Variants in LNPEP observed in about 807,000 individuals in gnomAD.
LNPEP encodes the protein leucyl and cystinyl aminopeptidase, also known as leucyl-cystinyl aminopeptidase.
Under a neutral mutation model 120.6 loss-of-function variants are expected in LNPEP, and 64 were observed. That is an observed-to-expected ratio of 0.53 (90% CI 0.43 to 0.65). The LOEUF (loss-of-function observed/expected upper bound fraction) is 0.65. LNPEP is among the 30% of genes least tolerant of loss of function. LNPEP has a pLI of 0.00. For missense variants in LNPEP, 1,057 were observed against 1,200.0 expected, an observed-to-expected ratio of 0.88 and a Z score of 1.76; for synonymous variants, 435 against 425.4, an observed-to-expected ratio of 1.02 and a Z score of -0.28.
rs1255797545 is a variant in LNPEP at position 96,986,518 on chromosome 5, TCTTTTCCC to T, written c.1000-16_1000-9del. On this transcript the variant is annotated splice_polypyrimidine_tract_variant and intron_variant, in intron 3 of 17. Transcript: ENST00000231368. ...ATTTATTCCTATAGTTACAGAACTG[TCTTTTCCC>T]CTTTGCTTGTAGAAGTCATCAGTCG... 6.2e-7 allele frequency: 1 copy of T among 1,609,570 alleles called. No homozygotes were observed. Among genetic ancestry groups the T allele is most frequent in the Non-Finnish European group, 8.5e-7 (1 of 1,177,338 alleles).
At chr5:96,954,697 T>C (rs953819436) in intron 1 of LNPEP, among the ~76,000 whole-genome samples, 1 of 72,206 alleles carries the variant, frequency 1.4e-5, no homozygotes, top group East Asian at 3.5e-4. Flanking sequence ...TATATACACA[T>C]ATATACATAT....
chr5:96,996,584 A>C, intron 7 of LNPEP, 81 bp downstream of exon 7: 1 of 747,700 alleles, frequency 1.3e-6, no homozygotes, highest in Non-Finnish European at 2.3e-6. Context: ...TTTTCTGTGC[A>C]TCTGGAGTAA....
chr5:96,954,064 A>G (rs1393669114), intron 1 of LNPEP, among the ~76,000 whole-genome samples: 1 of 152,236 alleles, frequency 6.6e-6, no homozygotes, highest in African/African-American at 2.4e-5. Flanking sequence ...AGTGATCTCA[A>G]GGTTCTCTGT....
chr5:96,996,545 G>A (rs748376192), intron 7 of LNPEP, 42 bp downstream of exon 7: 3 of 965,504 alleles, frequency 3.1e-6, no homozygotes, highest in South Asian at 1.3e-5. Flanking sequence ...ATGCTAGGAG[G>A]AAAAATAGTC....
intron 1 of LNPEP, among the ~76,000 whole-genome samples, chr5:96,938,789 A>G (rs532664214): frequency 6.6e-6 from 1 of 152,278 alleles, no homozygotes; most frequent in Admixed American, 6.5e-5. Flanking sequence ...CTCAGGATCT[A>G]TTTTTGGCTT....
At chr5:97,010,262 G>A (rs186077358) in intron 11 of LNPEP, 53 of 963,372 alleles carry the variant, frequency 5.5e-5, no homozygotes, top group African/African-American at 4.9e-4. Flanking sequence ...GGAGATTTTC[G>A]TATTAAATCT....
intron 1 of LNPEP, among the ~76,000 whole-genome samples, chr5:96,939,709 C>T (rs2548516): frequency 0.4 from 61,277 of 151,584 alleles, 12,433 homozygotes; most frequent in Non-Finnish European, 0.43. Flanking sequence ...ATTATTTTTG[C>T]TTTCATGTTC....
chr5:97,001,762 T>A lies in LNPEP; in HGVS notation c.1654-1653T>A, dbSNP rs546935265. On this transcript the variant is annotated intron_variant, in intron 8 of 17. Transcript: ENST00000231368. Reference sequence around the variant, plus strand: ...TCAAGGAGGAGCAGGTGATCAGTTATATCAAATGCTATCAATAGGTTGATA... The same window carrying A: ...TCAAGGAGGAGCAGGTGATCAGTTAAATCAAATGCTATCAATAGGTTGATA... Among the ~76,000 whole-genome samples the A allele has an allele frequency of 3.8e-4, 58 of 152,268 alleles. No homozygotes were observed. The South Asian group carries it at 0.012, about 30-fold the overall frequency.
intron 1 of LNPEP, among the ~76,000 whole-genome samples, chr5:96,954,657 C>CACATATAT (rs1452487759): frequency 3.3e-5 from 3 of 90,608 alleles, no homozygotes; most frequent in South Asian, 3.6e-4. Flanking sequence ...TACATATATA[C>CACATATAT]ACATATATAC....
At chr5:97,014,773 T>C (rs1330885039) in intron 12 of LNPEP, among the ~76,000 whole-genome samples, 166 bp from the exon 13 acceptor site, 1 of 152,130 alleles carries the variant, frequency 6.6e-6, no homozygotes, top group Non-Finnish European at 1.5e-5. Context: ...CCTCATGAAA[T>C]TAATCAGAGA....
intron 12 of LNPEP, 66 bp downstream of exon 12, chr5:97,013,897 T>C (rs1221438295): frequency 1.7e-6 from 2 of 1,192,608 alleles, no homozygotes; most frequent in Non-Finnish European, 2.3e-6. Context: ...AAAGAACATA[T>C]ATGAAAAACA....
chr5:96,984,801 G>A (rs1262756039), intron 2 of LNPEP, among the ~76,000 whole-genome samples: 3 of 151,990 alleles, frequency 2.0e-5, no homozygotes, highest in African/African-American at 7.3e-5. Flanking sequence ...CATCTTTTTA[G>A]GCCCTCTTCA....
intron 13 of LNPEP, among the ~76,000 whole-genome samples, chr5:97,020,625 C>A (rs911833864): frequency 6.6e-6 from 1 of 152,006 alleles, no homozygotes; most frequent in Non-Finnish European, 1.5e-5. Context: ...CATGGTGAAA[C>A]CCTGTCTCTA....
In LNPEP at chr5:97,035,366, C is replaced by A. The variant is rs1791553274; in HGVS notation, c.*6833C>A. ...CCCCTTTCCTTATTGCCTGTGTCGG[C>A]AATAGGAAGTAGAATAGTTGTGTGT... On this transcript the variant is annotated 3_prime_UTR_variant, in exon 18 of 18. Coordinates refer to ENST00000231368, the MANE Select transcript of LNPEP (RefSeq NM_005575.3). The A allele has an allele frequency of 6.6e-6, 1 of 151,996 alleles. No homozygotes were observed. The highest frequency in any genetic ancestry group is 1.5e-5 in the Non-Finnish European group (1 of 67,968). The allele number at this position is 151,996 out of a possible 1,614,324, so 9.4% of individuals were successfully genotyped here. A position where few individuals can be genotyped will look rare whatever the true frequency, so the allele number is the denominator to read the frequency against.
At chr5:96,985,486 A>G (rs528539863) in intron 3 of LNPEP, among the ~76,000 whole-genome samples, 123 of 152,324 alleles carry the variant, frequency 8.1e-4, no homozygotes, top group African/African-American at 2.9e-3. Flanking sequence ...AGTTGTGCAA[A>G]TATTAATACA....
intron 11 of LNPEP, among the ~76,000 whole-genome samples, chr5:97,008,659 AC>A (rs1790849363): frequency 3.9e-5 from 2 of 51,482 alleles, no homozygotes; most frequent in Admixed American, 4.6e-4. Context: ...GCTCCTCTTT[AC>A]TCTTTTTTTT....
chr5:97,027,347 C>T (rs27299), intron 16 of LNPEP, among the ~76,000 whole-genome samples: 83,451 of 150,462 alleles, frequency 0.55, 23,199 homozygotes, highest in East Asian at 0.63. Flanking sequence ...GGCGAGACTC[C>T]GTCTCAAAAA....
intron 2 of LNPEP, among the ~76,000 whole-genome samples, chr5:96,981,217 C>A (rs761433377): frequency 2.0e-5 from 3 of 151,856 alleles, no homozygotes; most frequent in African/African-American, 7.3e-5. Context: ...TAGAACTAAG[C>A]AAAATTAAAA....
intron 1 of LNPEP, chr5:96,936,967 A>T (rs1788913120): frequency 6.6e-6 from 1 of 152,174 alleles, no homozygotes. Flanking sequence ...CCTAGTTAGA[A>T]CCATGGCTTT....
Sources: gnomAD v4.1 joint callset for allele counts (sites outside exome capture counted in the v4.1 genomes callset) on GRCh38, gnomAD v4.1.1 for gene constraint, MANE v1.5 for transcripts, NCBI Gene and HGNC (gene_info 2026-07-23, HGNC 2026-07-21) for gene names.